CPNE4: variants seen among roughly 807,000 people sequenced by gnomAD.
CPNE4 encodes copine-4.
Under a neutral mutation model 67.9 loss-of-function variants are expected in CPNE4, and 25 were observed. The observed-to-expected ratio is 0.37, with a 90% CI of 0.27 to 0.51. The LOEUF is 0.51. CPNE4 is among the 20% of genes least tolerant of loss of function. The probability of loss-of-function intolerance (pLI) is 0.93; values close to 1 mark genes in which losing one functional copy is unlikely to be tolerated. For missense variants in CPNE4, 464 were observed against 690.8 expected (o/e 0.67, Z 3.68); for synonymous variants, 242 against 244.9 (o/e 0.99, Z 0.11).
chr3:131,984,711 T>C (rs1485559220), intron 1 of CPNE4, among the ~76,000 whole-genome samples: 2 of 152,240 alleles, frequency 1.3e-5, no homozygotes, highest in African/African-American at 4.8e-5. Context: ...TCTCTGCTCA[T>C]ATACATGGAA....
At chr3:131,665,616 G>A (rs986938642) in intron 7 of CPNE4, among the ~76,000 whole-genome samples, 5 of 151,586 alleles carry the variant, frequency 3.3e-5, no homozygotes, top group Non-Finnish European at 5.9e-5. Context: ...CCTAGATTGC[G>A]CCACTGCAAT....
At chr3:131,569,072 T>C (rs1937202355) in intron 10 of CPNE4, among the ~76,000 whole-genome samples, 1 of 152,032 alleles carries the variant, frequency 6.6e-6, no homozygotes, top group South Asian at 2.1e-4. Flanking sequence ...GAAAACTTTC[T>C]AAGAGGGCAG....
chr3:131,646,011 G>C (rs911665990), intron 7 of CPNE4, among the ~76,000 whole-genome samples: 1 of 152,002 alleles, frequency 6.6e-6, no homozygotes, highest in African/African-American at 2.4e-5. Context: ...TCTAATGCAG[G>C]GGTTACTTTG....
intron 4 of CPNE4, among the ~76,000 whole-genome samples, chr3:131,698,606 C>A (rs1228106545): frequency 1.5e-5 from 2 of 137,866 alleles, no homozygotes; most frequent in African/African-American, 5.7e-5. Flanking sequence ...TTTTCCTGTG[C>A]TTAAAAAAAA....
chr3:131,732,937 C>T (rs766928279), intron 2 of CPNE4, among the ~76,000 whole-genome samples: 1 of 152,146 alleles, frequency 6.6e-6, no homozygotes, highest in Non-Finnish European at 1.5e-5. Context: ...GTGACAACAC[C>T]ATATTTCCCA....
At chr3:131,821,556 C>T (rs2084959980) in intron 2 of CPNE4, among the ~76,000 whole-genome samples, 1 of 152,146 alleles carries the variant, frequency 6.6e-6, no homozygotes, top group African/African-American at 2.4e-5. Flanking sequence ...ACAGCTATAT[C>T]AGGAACAGGA....
At chr3:131,559,672 C>T (rs554441050) in intron 11 of CPNE4, among the ~76,000 whole-genome samples, 1 of 151,838 alleles carries the variant, frequency 6.6e-6, no homozygotes, top group South Asian at 2.1e-4. Flanking sequence ...GAATTTCAAA[C>T]CAATTTTATT....
intron 2 of CPNE4, among the ~76,000 whole-genome samples, chr3:131,799,396 T>A (rs2107904830): frequency 6.6e-6 from 1 of 151,950 alleles, no homozygotes; most frequent in East Asian, 1.9e-4. Flanking sequence ...CCTGCAAGAG[T>A]GTATTTCATT....
chr3:131,968,305 C>G (rs1028460494), intron 1 of CPNE4, among the ~76,000 whole-genome samples: 1 of 152,150 alleles, frequency 6.6e-6, no homozygotes, highest in African/African-American at 2.4e-5. Flanking sequence ...TGGGCAAAGA[C>G]TTCATGACTA....
chr3:131,577,714 T>A (rs1937584626), intron 9 of CPNE4, among the ~76,000 whole-genome samples: 1 of 152,142 alleles, frequency 6.6e-6, no homozygotes, highest in South Asian at 2.1e-4. Flanking sequence ...CCTAGACTAT[T>A]ACTATACACT....
intron 7 of CPNE4, among the ~76,000 whole-genome samples, chr3:131,609,092 A>G (rs1178950363): frequency 1.3e-5 from 2 of 152,112 alleles, no homozygotes; most frequent in Non-Finnish European, 2.9e-5. Flanking sequence ...CTATCCTTGT[A>G]CTTTTCCTTC....
chr3:131,747,463 C>A (rs2082520276), intron 2 of CPNE4, among the ~76,000 whole-genome samples: 1 of 151,618 alleles, frequency 6.6e-6, no homozygotes, highest in African/African-American at 2.4e-5. Flanking sequence ...ATGATAAGAA[C>A]TTTTTTTGTT....
chr3:131,680,108 C>T (rs1163415329), intron 6 of CPNE4, among the ~76,000 whole-genome samples: 1 of 152,078 alleles, frequency 6.6e-6, no homozygotes, highest in African/African-American at 2.4e-5. Flanking sequence ...TCAGGGTGCT[C>T]CTATGTTGGG....
chr3:131,662,412 A>T (rs1478906525), intron 7 of CPNE4, among the ~76,000 whole-genome samples: 1 of 152,346 alleles, frequency 6.6e-6, no homozygotes, highest in South Asian at 2.1e-4. Flanking sequence ...GGAAGAACAG[A>T]ATGTATCCAT....
intron 7 of CPNE4, among the ~76,000 whole-genome samples, chr3:131,600,043 T>C (rs1191535746): frequency 6.6e-6 from 1 of 152,030 alleles, no homozygotes. Flanking sequence ...CTCTATGCAG[T>C]TGGGTTGTTT....
At chr3:131,972,260 CT>C (rs751118756) in intron 1 of CPNE4, among the ~76,000 whole-genome samples, 1 of 152,226 alleles carries the variant, frequency 6.6e-6, no homozygotes, top group Non-Finnish European at 1.5e-5. Context: ...AAAGGTCTCA[CT>C]GGCAGCAACA....
intron 2 of CPNE4, among the ~76,000 whole-genome samples, chr3:131,749,424 G>A (rs1055306172): frequency 1.3e-5 from 2 of 152,060 alleles, no homozygotes; most frequent in Non-Finnish European, 2.9e-5. Flanking sequence ...TAATGTACAT[G>A]TTGCTGGTTT....
At chr3:131,986,612 A>G (rs2073049521) in intron 1 of CPNE4, among the ~76,000 whole-genome samples, 1 of 152,174 alleles carries the variant, frequency 6.6e-6, no homozygotes, top group African/African-American at 2.4e-5. Flanking sequence ...ATAGAACTTA[A>G]GGAGGCTGGG....
intron 7 of CPNE4, chr3:131,620,475 G>A: frequency 1.0e-6 from 1 of 985,160 alleles, no homozygotes; most frequent in Non-Finnish European, 1.2e-6. Flanking sequence ...AATGCTTTTT[G>A]TCCTTCAGTG....
Sources: gnomAD v4.1 joint callset for allele counts (sites outside exome capture counted in the v4.1 genomes callset) on GRCh38, gnomAD v4.1.1 for gene constraint, MANE v1.5 for transcripts, NCBI Gene and HGNC (gene_info 2026-07-23, HGNC 2026-07-21) for gene names.